The following ESM1 variants were observed in gnomAD, a reference collection of about 807,000 sequenced individuals.
ESM1 encodes endothelial cell specific molecule 1.
In ESM1, 7 loss-of-function variants were observed where a neutral mutation model predicts 14.9. The observed-to-expected ratio is 0.47, with a 90% CI of 0.27 to 0.88. ESM1 has a LOEUF of 0.88. ESM1 is among the 40% of genes least tolerant of loss of function. ESM1 has a pLI of 0.14. For missense variants in ESM1, 192 were observed against 237.9 expected, an observed-to-expected ratio of 0.81 and a Z score of 1.27; for synonymous variants, 89 against 89.4, an observed-to-expected ratio of 1.00 and a Z score of 0.02.
At chr5:54,984,517 T>C (rs1740491143) in intron 1 of ESM1, among the ~76,000 whole-genome samples, 1 of 152,236 alleles carries the variant, frequency 6.6e-6, no homozygotes, top group Non-Finnish European at 1.5e-5. Context: ...TTTCTTTAAG[T>C]GTACAAGTGG....
At position 54,978,828 on chromosome 5, in the gene ESM1, CAAAAA is replaced by C. The variant is rs10557410; in HGVS notation, c.*499_*503del. On this transcript the variant is annotated 3_prime_UTR_variant, in exon 3 of 3. Coordinates refer to ENST00000381405, the MANE Select transcript of ESM1 (RefSeq NM_007036.5). ...GTTTTATTTTGACTTTTCCCAAAGC[CAAAAA>C]AAAAAAAAAAAGCACAATTAAATTC... 0.3 allele frequency: 39,691 copies of C among 130,574 alleles called. 8,081 individuals carry two copies. Among genetic ancestry groups the C allele is most frequent in the African/African-American group, 0.58 (22,178 of 38,446 alleles). The allele number at this position is 130,574 out of a possible 1,614,324, so 8.1% of individuals were successfully genotyped here.
intron 2 of ESM1, among the ~76,000 whole-genome samples, chr5:54,980,138 C>G (rs950908633): frequency 6.6e-6 from 1 of 152,156 alleles, no homozygotes; most frequent in Non-Finnish European, 1.5e-5. Flanking sequence ...TCCCCCAAGA[C>G]CCTCGTACAC....
Position 54,982,083 on chromosome 5 carries a change from C to A in ESM1, c.365G>T (p.Cys122Phe). 1 of 1,614,112 alleles carries A rather than the reference C, an allele frequency of 6.2e-7. No homozygotes were observed. The highest frequency in any genetic ancestry group is 8.5e-7 in the Non-Finnish European group (1 of 1,179,934). Residue 122 changes from cysteine to phenylalanine, a missense_variant, in exon 2 of 3, where the codon TGT becomes TTT. Transcript: ENST00000381405. ...RETCNCQSGI[C>F]DRGTGKCLKF... ...CAGGCATTTTCCCGTCCCCCTGTCA[C>A]AGATGCCTGACTGGCAGTTGCAGGT... is the stretch of plus-strand genomic sequence containing the variant.
In ESM1 at chr5:54,978,191, A is replaced by G. The variant is rs1455871294; in HGVS notation, c.*1141T>C. 6.6e-6 allele frequency: 1 copy of G among 152,202 alleles called. No homozygotes were observed. Among genetic ancestry groups the G allele is most frequent in the Non-Finnish European group, 1.5e-5 (1 of 68,026 alleles). 9.4% of individuals were successfully genotyped at this position (152,202 alleles called of 1,614,324 possible). On this transcript the variant is annotated 3_prime_UTR_variant, in exon 3 of 3. Transcript: ENST00000381405. ...GAAAATAAACTATATTTTAAAGTTG[A>G]CATGTTTTCTGCTGAAAATTGATTC...
Position 54,985,317 on chromosome 5 carries a change from GC to G in ESM1, c.200del (p.Arg67ProfsTer9). 6.2e-7 allele frequency: 1 copy of G among 1,614,202 alleles called. No individual in the cohort carries two copies. The highest frequency in any genetic ancestry group is 8.5e-7 in the Non-Finnish European group (1 of 1,180,046). On this transcript the variant is annotated frameshift_variant, in exon 1 of 3. Transcript: ENST00000381405. LOFTEE classifies it high-confidence loss of function. ...TCATGCCATCCATGCCTGAGACTGTGCGGTAGCAAGTTTCTCCCCGCCCTGC... is the reference window on the plus strand; with the variant it reads ...TCATGCCATCCATGCCTGAGACTGTGGGTAGCAAGTTTCTCCCCGCCCTGC... Reference protein sequence around the residue: ...CAAGRGETCYRTVSGMDGMKC... With the variant: ...CAAGRGETCYXTVSGMDGMKC...
intron 1 of ESM1, 100 bp downstream of exon 1, chr5:54,985,117 T>C: frequency 9.2e-7 from 1 of 1,086,750 alleles, no homozygotes; most frequent in Admixed American, 2.2e-5. Context: ...CACCTGCCTT[T>C]TCCCTCTTAC....
At position 54,985,449 on chromosome 5, in the gene ESM1, A is replaced by G; in HGVS notation, c.69T>C (p.Asn23=). 1 of 1,612,536 alleles carries G rather than the reference A, an allele frequency of 6.2e-7. No homozygotes were observed. The highest frequency in any genetic ancestry group is 1.1e-5 in the South Asian group (1 of 91,044). The part of the protein sequence containing the change: ...PAHLVAAWSN[N]YAVDCPQHCD... ...AGTGTTGAGGGCAGTCCACCGCATA[A>G]TTATTGCTCCAGGCGGCCACCAGGT... Residue 23 remains asparagine (N), a synonymous_variant, in exon 1 of 3, where the codon AAT becomes AAC. Transcript: ENST00000381405.
Position 54,985,234 on chromosome 5 carries a change from T to C in ESM1, c.284A>G (p.Glu95Gly). ...CTCTTTACCTTTGCAGATACCAAAC[T>C]CTTCACCAAAAGGATCCTCCCCATT... Reference protein sequence around the residue: ...PSNGEDPFGEEFGICKDCPYG... With the variant: ...PSNGEDPFGEGFGICKDCPYG... Residue 95 changes from glutamate to glycine, a missense_variant, in exon 1 of 3, where the codon GAG becomes GGG. Coordinates refer to ENST00000381405, the MANE Select transcript of ESM1 (RefSeq NM_007036.5). 1.2e-6 allele frequency: 2 copies of C among 1,611,654 alleles called. No individual in the cohort carries two copies. Among genetic ancestry groups the C allele is most frequent in the Non-Finnish European group, 1.7e-6 (2 of 1,178,202 alleles).
intron 1 of ESM1, among the ~76,000 whole-genome samples, chr5:54,983,539 CT>C (rs1740438700): frequency 6.6e-6 from 1 of 152,128 alleles, no homozygotes; most frequent in African/African-American, 2.4e-5. Flanking sequence ...CGTGGATGTT[CT>C]TTTAAAAAGC....
chr5:54,984,379 T>C (rs1402823083), intron 1 of ESM1, among the ~76,000 whole-genome samples: 1 of 152,216 alleles, frequency 6.6e-6, no homozygotes, highest in Non-Finnish European at 1.5e-5. Context: ...AGAGTATTTT[T>C]AAATCATCAT....
intron 1 of ESM1, 76 bp downstream of exon 1, chr5:54,985,141 A>T: frequency 5.1e-6 from 7 of 1,382,346 alleles, no homozygotes; most frequent in Non-Finnish European, 7.0e-6. Flanking sequence ...TGAGGAGCAA[A>T]GCCACCTCAC....
chr5:54,984,066 C>T (rs1050098100), intron 1 of ESM1, among the ~76,000 whole-genome samples: 8 of 152,056 alleles, frequency 5.3e-5, no homozygotes, highest in Admixed American at 1.3e-4. Flanking sequence ...AAAAATAAAA[C>T]TCTCCTAATA....
Position 54,985,532 on chromosome 5 carries a change from T to C in ESM1, c.-15A>G, listed in dbSNP as rs1405848470. On this transcript the variant is annotated 5_prime_UTR_variant, in exon 1 of 3. Transcript: ENST00000381405. ...ACGCTCTTCATGTTTCCCAGCTGCC[T>C]CCGGCTCGGCTCTCCAGTCGTGGTC... 1 of 1,575,614 alleles carries C rather than the reference T, an allele frequency of 6.3e-7. No individual in the cohort carries two copies. Among genetic ancestry groups the C allele is most frequent in the Non-Finnish European group, 8.6e-7 (1 of 1,156,714 alleles).
At chr5:54,982,329 C>T (rs372638759) in intron 1 of ESM1, among the ~76,000 whole-genome samples, 183 bp from the exon 2 acceptor site, 1 of 152,300 alleles carries the variant, frequency 6.6e-6, no homozygotes, top group East Asian at 1.9e-4. Context: ...TATGAAATCA[C>T]ACATTAAGAA....
In ESM1 at chr5:54,981,404, C is replaced by T. The variant is rs147077459; in HGVS notation, c.451+593G>A. 2.6e-3 allele frequency among the ~76,000 whole-genome samples: 396 copies of T among 152,218 alleles called. 3 individuals are homozygous for T. The highest frequency in any genetic ancestry group is 9.2e-3 in the African/African-American group (382 of 41,546). ...CTAACACCTGTATAAGAAATACACA[C>T]GGACTAACAAGCAGCACGTATTACT... is the stretch of plus-strand genomic sequence containing the variant. On this transcript the variant is annotated intron_variant, in intron 2 of 2. Transcript: ENST00000381405.
In ESM1 at chr5:54,985,560, T is replaced by C. The variant is rs778949066; in HGVS notation, c.-43A>G. The C allele has an allele frequency of 1.3e-6, 2 of 1,544,716 alleles. No individual in the cohort carries two copies. The highest frequency in any genetic ancestry group is 8.8e-7 in the Non-Finnish European group (1 of 1,142,038). On this transcript the variant is annotated 5_prime_UTR_variant, in exon 1 of 3. Coordinates refer to ENST00000381405, the MANE Select transcript of ESM1 (RefSeq NM_007036.5). Reference sequence around the variant, plus strand: ...GGCTCGGCTCTCCAGTCGTGGTCTTTGCTGGTGGGAAGCAGCCGTCCAAAC... The same window carrying C: ...GGCTCGGCTCTCCAGTCGTGGTCTTCGCTGGTGGGAAGCAGCCGTCCAAAC...
chr5:54,983,509 GCTGAAGTTTA>G (rs1355531622), intron 1 of ESM1, among the ~76,000 whole-genome samples: 1 of 152,188 alleles, frequency 6.6e-6, no homozygotes, highest in Non-Finnish European at 1.5e-5. Flanking sequence ...TGGATACGCA[GCTGAAGTTTA>G]CAGTTTTCAC....
intron 2 of ESM1, among the ~76,000 whole-genome samples, chr5:54,981,792 A>T (rs1284390203): frequency 6.6e-6 from 1 of 152,226 alleles, no homozygotes. Flanking sequence ...GAGAAATTAT[A>T]TGTAAACCTC....
intron 2 of ESM1, among the ~76,000 whole-genome samples, chr5:54,979,811 T>C (rs867211480): frequency 2.6e-5 from 4 of 152,204 alleles, no homozygotes; most frequent in Admixed American, 1.3e-4. Flanking sequence ...TAAATACTTA[T>C]GGAATAGGCA....
Sources: gnomAD v4.1 joint callset for allele counts (sites outside exome capture counted in the v4.1 genomes callset) on GRCh38, gnomAD v4.1.1 for gene constraint, MANE v1.5 for transcripts, NCBI Gene and HGNC (gene_info 2026-07-23, HGNC 2026-07-21) for gene names.